Variants in EHD4 observed in about 807,000 individuals in gnomAD.
EHD4 encodes the protein EH domain containing 4.
EHD4 carries 37 observed loss-of-function variants against 51.0 expected under a neutral mutation model. That is an observed-to-expected ratio of 0.73 (90% confidence interval 0.56 to 0.95). The LOEUF is 0.95. Ranked by LOEUF, EHD4 falls within the 40% of genes least tolerant of loss-of-function variation. The pLI, the probability that EHD4 is intolerant of heterozygous loss-of-function variation, is 0.00. For missense variants in EHD4, 632 were observed against 733.1 expected (o/e 0.86, Z 1.59); for synonymous variants, 297 against 317.3 (o/e 0.94, Z 0.68).
chr15:41,972,159 G>A, intron 1 of EHD4, 100 bp downstream of exon 1: 1 of 1,200,720 alleles, frequency 8.3e-7, no homozygotes, highest in Non-Finnish European at 1.0e-6. Context: ...CCCCGAGGTC[G>A]CGCCGGCCGG....
At chr15:41,913,693 G>T (rs1211468716) in intron 4 of EHD4, among the ~76,000 whole-genome samples, 1 of 152,144 alleles carries the variant, frequency 6.6e-6, no homozygotes, top group African/African-American at 2.4e-5. Context: ...ATGAGAGAGA[G>T]GGCTCCCGGC....
At chr15:41,950,735 G>A (rs1277064064) in intron 2 of EHD4, among the ~76,000 whole-genome samples, 1 of 152,120 alleles carries the variant, frequency 6.6e-6, no homozygotes, top group Non-Finnish European at 1.5e-5. Context: ...ACTCCTCTTG[G>A]CCGATGCTGA....
intron 2 of EHD4, among the ~76,000 whole-genome samples, chr15:41,944,501 CT>C (rs1169808642): frequency 2.0e-5 from 3 of 152,208 alleles, no homozygotes; most frequent in Non-Finnish European, 4.4e-5. Flanking sequence ...ACAGGGAGGC[CT>C]GGCCAGCCTC....
chr15:41,923,374 G>A (rs1194139533), intron 3 of EHD4, among the ~76,000 whole-genome samples: 2 of 152,140 alleles, frequency 1.3e-5, no homozygotes, highest in Admixed American at 6.5e-5. Context: ...GGACTCAGGC[G>A]GCAAATACCT....
chr15:41,966,259 C>G (rs547776772), intron 1 of EHD4, among the ~76,000 whole-genome samples: 1 of 152,108 alleles, frequency 6.6e-6, no homozygotes, highest in African/African-American at 2.4e-5. Flanking sequence ...ACAGGCACAC[C>G]TCTTGGCAAG....
At chr15:41,907,684 C>T (rs2067521330) in intron 5 of EHD4, among the ~76,000 whole-genome samples, 1 of 151,558 alleles carries the variant, frequency 6.6e-6, no homozygotes, top group Non-Finnish European at 1.5e-5. Flanking sequence ...CACACCTGGC[C>T]AATTTTTTTG....
intron 3 of EHD4, among the ~76,000 whole-genome samples, chr15:41,924,581 G>C (rs1467298508): frequency 6.6e-6 from 1 of 152,162 alleles, no homozygotes; most frequent in Admixed American, 6.5e-5. Context: ...TGGCATACAG[G>C]GGGGATGCAA....
At chr15:41,927,140 T>C (rs1462704594) in intron 3 of EHD4, among the ~76,000 whole-genome samples, 3 of 152,238 alleles carry the variant, frequency 2.0e-5, no homozygotes, top group African/African-American at 7.2e-5. Context: ...TTGCTGACTA[T>C]AAGACAGAAA....
chr15:41,953,621 T>C, intron 2 of EHD4, 143 bp downstream of exon 2: 1 of 963,902 alleles, frequency 1.0e-6, no homozygotes, highest in Non-Finnish European at 1.5e-6. Context: ...TTCAAATATC[T>C]TAATATGATA....
intron 3 of EHD4, among the ~76,000 whole-genome samples, chr15:41,921,166 C>T (rs953673244): frequency 6.6e-6 from 1 of 152,152 alleles, no homozygotes. Context: ...CCCTTCCCCC[C>T]ACTAGCAGGC....
chr15:41,919,143 T>G (rs2067605229), intron 4 of EHD4, 67 bp downstream of exon 4: 67 of 1,593,406 alleles, frequency 4.2e-5, no homozygotes, highest in Non-Finnish European at 5.7e-5. Context: ...CCCACCCATC[T>G]TGCCTCTGGA....
chr15:41,942,834 A>ACTCCTCG, intron 3 of EHD4: 4 of 385,724 alleles, frequency 1.0e-5, no homozygotes, highest in Non-Finnish European at 1.9e-5. Context: ...CCCACTCCTC[A>ACTCCTCG]TCTTCATTTA....
At chr15:41,911,886 G>A (rs2067552012) in intron 4 of EHD4, among the ~76,000 whole-genome samples, 1 of 152,128 alleles carries the variant, frequency 6.6e-6, no homozygotes, top group African/African-American at 2.4e-5. Flanking sequence ...CCCCAGCTCA[G>A]GGAGGGCTTA....
At chr15:41,920,068 CCCATGGGGGTAT>C (rs2140988981) in intron 3 of EHD4, among the ~76,000 whole-genome samples, 1 of 152,320 alleles carries the variant, frequency 6.6e-6, no homozygotes, top group African/African-American at 2.4e-5. Context: ...CACCTGGCAT[CCCATGGGGGTAT>C]CCAGTAAGCA....
At chr15:41,937,254 A>G (rs1488685113) in intron 3 of EHD4, among the ~76,000 whole-genome samples, 1 of 152,088 alleles carries the variant, frequency 6.6e-6, no homozygotes, top group Non-Finnish European at 1.5e-5. Flanking sequence ...AGCCACATGC[A>G]CAGCTTCCGT....
chr15:41,896,298 T>C lies in EHD4; in HGVS notation c.*4347A>G. 6.6e-6 allele frequency: 1 copy of C among 152,332 alleles called. No homozygotes were observed. 9.4% of individuals were successfully genotyped at this position (152,332 alleles called of 1,614,324 possible). On this transcript the variant is annotated 3_prime_UTR_variant, in exon 6 of 6. Transcript: ENST00000220325. ...TTCTGCCAGGCTGACCTCCCTCCCCTGACCCCAGCAGCTCTGGACACCCCT... is the reference window on the plus strand; with the variant it reads ...TTCTGCCAGGCTGACCTCCCTCCCCCGACCCCAGCAGCTCTGGACACCCCT...
chr15:41,920,098 A>T (rs2067614917), intron 3 of EHD4, among the ~76,000 whole-genome samples: 1 of 152,250 alleles, frequency 6.6e-6, no homozygotes. Flanking sequence ...GCATAACAGA[A>T]GAGGCATCGC....
chr15:41,905,745 A>T (rs1484699914), intron 5 of EHD4, among the ~76,000 whole-genome samples: 1 of 152,172 alleles, frequency 6.6e-6, no homozygotes, highest in African/African-American at 2.4e-5. Flanking sequence ...ATCATGGCTC[A>T]TAGCAGCCTC....
chr15:41,940,545 C>T (rs563989113), intron 3 of EHD4, among the ~76,000 whole-genome samples: 6 of 152,220 alleles, frequency 3.9e-5, no homozygotes, highest in South Asian at 4.1e-4. Context: ...GCTTGGGAAC[C>T]ACAGCTGTGG....
Sources: allele counts gnomAD v4.1 joint callset (sites outside exome capture counted in the v4.1 genomes callset), GRCh38; gene constraint gnomAD v4.1.1; transcripts MANE v1.5; gene names NCBI Gene and HGNC (gene_info 2026-07-23, HGNC 2026-07-21).